STK33: variants seen among roughly 807,000 people sequenced by gnomAD.
STK33 encodes serine/threonine kinase 33.
A neutral mutation model predicts 58.0 loss-of-function variants in STK33; 52 were observed. That is an observed-to-expected ratio of 0.90 (90% CI 0.72 to 1.13). STK33 has a LOEUF of 1.13. STK33 is among the 50% of genes most tolerant of loss of function. The pLI is 0.00. For synonymous variants in STK33, 215 were observed against 200.1 expected, an observed-to-expected ratio of 1.07 and a Z score of -0.63; for missense variants, 630 against 604.2, an observed-to-expected ratio of 1.04 and a Z score of -0.45.
At chr11:8,504,011 T>C (rs556788975) in intron 1 of STK33, among the ~76,000 whole-genome samples, 229 of 152,330 alleles carry the variant, frequency 1.5e-3, no homozygotes, top group Non-Finnish European at 1.7e-3. Flanking sequence ...TGTTTCACAA[T>C]GGACTTTAAA....
the STK33 span, among the ~76,000 whole-genome samples, chr11:8,339,334 G>C: frequency 6.6e-6 from 1 of 152,156 alleles, no homozygotes; most frequent in African/African-American, 2.4e-5. Context: ...AAACGAAGGC[G>C]GTCCTTAATA....
chr11:8,476,013 G>A (rs1949234219), intron 4 of STK33, among the ~76,000 whole-genome samples: 1 of 152,112 alleles, frequency 6.6e-6, no homozygotes, highest in Admixed American at 6.6e-5. Context: ...AGAAAGCTGT[G>A]CTTTTATCAA....
intron 14 of STK33, among the ~76,000 whole-genome samples, chr11:8,422,773 T>C (rs1190030981): frequency 6.6e-6 from 1 of 152,046 alleles, no homozygotes; most frequent in Non-Finnish European, 1.5e-5. Context: ...CTTTGTAATC[T>C]CTCCTTTATC....
chr11:8,461,994 CTTT>C (rs1046739872), intron 7 of STK33, 85 bp from the exon 8 acceptor site: 1 of 1,030,396 alleles, frequency 9.7e-7, no homozygotes, highest in Non-Finnish European at 1.3e-6. Context: ...TGTTTTCCTA[CTTT>C]TTTTCCTGTA....
downstream of STK33, among the ~76,000 whole-genome samples, chr11:8,389,020 A>G (rs147400550): frequency 1.7e-3 from 260 of 152,278 alleles, no homozygotes; most frequent in African/African-American, 6.0e-3. Context: ...GTCAGGAACA[A>G]TGCAGCACTG....
chr11:8,444,122 G>T (rs934621640), intron 11 of STK33, among the ~76,000 whole-genome samples: 1 of 152,070 alleles, frequency 6.6e-6, no homozygotes, highest in African/African-American at 2.4e-5. Flanking sequence ...GATATGAGCT[G>T]GTTCTTGAAA....
chr11:8,462,627 C>CAG (rs139227379), intron 7 of STK33, among the ~76,000 whole-genome samples: 6,814 of 149,746 alleles, frequency 0.046, 210 homozygotes, highest in South Asian at 0.062. Flanking sequence ...GAGACAGAGA[C>CAG]AGAGAGAGAG....
chr11:8,368,099 C>T, the STK33 span, among the ~76,000 whole-genome samples: 1 of 152,084 alleles, frequency 6.6e-6, no homozygotes, highest in East Asian at 1.9e-4. Flanking sequence ...CAGCAGAGGG[C>T]GGGATCCTCC....
intron 1 of STK33, among the ~76,000 whole-genome samples, chr11:8,589,202 AC>A (rs1180275419): frequency 6.6e-6 from 1 of 152,178 alleles, no homozygotes; most frequent in Non-Finnish European, 1.5e-5. Context: ...TCACACAAAA[AC>A]TTGTACATGA....
At chr11:8,528,039 T>A (rs1954203060) in intron 1 of STK33, among the ~76,000 whole-genome samples, 1 of 152,210 alleles carries the variant, frequency 6.6e-6, no homozygotes, top group South Asian at 2.1e-4. Flanking sequence ...CATGTAAGTA[T>A]AATATGCATT....
Position 8,449,024 on chromosome 11 carries a change from G to A in STK33, c.871+3798C>T, listed in dbSNP as rs375971741. On this transcript the variant is annotated intron_variant, in intron 11 of 15. Coordinates refer to ENST00000687296, the MANE Select transcript of STK33 (RefSeq NM_001352389.2). Reference sequence around the variant, plus strand: ...AGACATTTATGCAGCCAAAAGACACGTGAAAAAATGCTCATCATCACTGGC... The same window carrying A: ...AGACATTTATGCAGCCAAAAGACACATGAAAAAATGCTCATCATCACTGGC... Among the ~76,000 whole-genome samples, 30 of 151,640 alleles carry A rather than the reference G, an allele frequency of 2.0e-4. No individual in the cohort carries two copies. In the East Asian group the frequency reaches 3.5e-3, roughly 18 times the overall value.
the STK33 span, among the ~76,000 whole-genome samples, chr11:8,335,415 A>G: frequency 6.6e-6 from 1 of 152,194 alleles, no homozygotes; most frequent in Non-Finnish European, 1.5e-5. Context: ...ATGCAGGACA[A>G]TGGCCATTGG....
chr11:8,492,909 G>A (rs556322683), intron 1 of STK33, among the ~76,000 whole-genome samples: 1 of 152,150 alleles, frequency 6.6e-6, no homozygotes, highest in East Asian at 1.9e-4. Flanking sequence ...TGAGAACGAA[G>A]ACAAAACGTA....
At chr11:8,395,995 T>C (rs750845617) in intron 15 of STK33, among the ~76,000 whole-genome samples, 3 of 152,208 alleles carry the variant, frequency 2.0e-5, no homozygotes, top group Non-Finnish European at 4.4e-5. Context: ...CATATTTTAA[T>C]TGAGCTCCAA....
chr11:8,392,892 A>G (rs951060867), intron 15 of STK33, among the ~76,000 whole-genome samples, 182 bp from the exon 16 acceptor site: 4 of 152,246 alleles, frequency 2.6e-5, no homozygotes, highest in Non-Finnish European at 4.4e-5. Flanking sequence ...CACCTTTAAG[A>G]AAACTGAATT....
chr11:8,420,392 C>T (rs1463526837), intron 14 of STK33, among the ~76,000 whole-genome samples: 1 of 152,046 alleles, frequency 6.6e-6, no homozygotes, highest in East Asian at 1.9e-4. Flanking sequence ...ATTAATATTC[C>T]TATTCTTCAG....
Position 8,536,310 on chromosome 11 carries a change from T to C in STK33, c.-465-55696A>G, listed in dbSNP as rs137985654. Among the ~76,000 whole-genome samples, 595 of 152,314 alleles carry C rather than the reference T, an allele frequency of 3.9e-3. 2 individuals carry two copies. Among genetic ancestry groups the C allele is most frequent in the African/African-American group, 0.013 (551 of 41,574 alleles). On this transcript the variant is annotated intron_variant, in intron 1 of 15. Coordinates refer to ENST00000687296, the MANE Select transcript of STK33 (RefSeq NM_001352389.2). ...GCAACAGAATTTCACAGGTATCTCA[T>C]AAATTTGTACAAATTTTTTAAAAGA...
the STK33 span, among the ~76,000 whole-genome samples, chr11:8,373,746 C>A: frequency 2.0e-5 from 3 of 152,122 alleles, no homozygotes; most frequent in Non-Finnish European, 4.4e-5. Context: ...GGTTGTGGGG[C>A]GTGGAGTTCC....
chr11:8,430,929 C>T (rs917813858), intron 14 of STK33, among the ~76,000 whole-genome samples: 6 of 144,412 alleles, frequency 4.2e-5, no homozygotes, highest in East Asian at 2.0e-4. Flanking sequence ...TGCAGTGGTG[C>T]GATCTTGGCT....
Sources: allele counts gnomAD v4.1 joint callset (sites outside exome capture counted in the v4.1 genomes callset), GRCh38; gene constraint gnomAD v4.1.1; transcripts MANE v1.5; gene names NCBI Gene and HGNC (gene_info 2026-07-23, HGNC 2026-07-21).